HDAC5: variants seen among roughly 807,000 people sequenced by gnomAD.
HDAC5 encodes histone deacetylase 5.
In HDAC5, 25 loss-of-function variants were observed where a neutral mutation model predicts 133.3. The observed-to-expected ratio is 0.19, with a 90% CI of 0.14 to 0.26. The LOEUF (loss-of-function observed/expected upper bound fraction) is 0.26, where lower values mean the gene tolerates loss of function less well. Ranked by LOEUF, HDAC5 falls within the 10% of genes least tolerant of loss-of-function variation. The probability of loss-of-function intolerance (pLI) is 1.00; values close to 1 mark genes in which losing one functional copy is unlikely to be tolerated. For synonymous variants in HDAC5, 589 were observed against 610.8 expected (o/e 0.96, Z 0.53); for missense variants, 1,041 against 1,460.5 (o/e 0.71, Z 4.68).
At chr17:44,109,305 C>A (rs2052188838) in intron 3 of HDAC5, among the ~76,000 whole-genome samples, 1 of 152,180 alleles carries the variant, frequency 6.6e-6, no homozygotes, top group African/African-American at 2.4e-5. Flanking sequence ...TTAGCTGGAC[C>A]TGTGGACTCC....
At chr17:44,103,389 A>G (rs116472842) in intron 3 of HDAC5, among the ~76,000 whole-genome samples, 5 of 152,356 alleles carry the variant, frequency 3.3e-5, no homozygotes, top group African/African-American at 1.2e-4. Context: ...ACAAGTGAAC[A>G]CACATCACGT....
chr17:44,106,593 CTT>C (rs34373757), intron 3 of HDAC5, among the ~76,000 whole-genome samples: 8 of 143,864 alleles, frequency 5.6e-5, no homozygotes, highest in Non-Finnish European at 4.6e-5. Context: ...ACAAAAGAAG[CTT>C]TTTTTTTTTT....
chr17:44,100,850 GTGATCTCGGCTCACTGC>G (rs1357422203), intron 3 of HDAC5, among the ~76,000 whole-genome samples: 1 of 149,184 alleles, frequency 6.7e-6, no homozygotes, highest in East Asian at 2.1e-4. Flanking sequence ...GTGCAGTGGC[GTGATCTCGGCTCACTGC>G]AACCTCCGCC....
At chr17:44,092,844 G>T in intron 6 of HDAC5, 38 bp from the exon 7 acceptor site, 1 of 859,390 alleles carries the variant, frequency 1.2e-6, no homozygotes, top group Non-Finnish European at 1.8e-6. Flanking sequence ...AGCAGATCTA[G>T]GTTATCACCC....
Position 44,091,706 on chromosome 17 carries a change from G to T in HDAC5, c.1158C>A (p.His386Gln). 2 of 1,565,018 alleles carry T rather than the reference G, an allele frequency of 1.3e-6. No homozygotes were observed. The highest frequency in any genetic ancestry group is 1.2e-5 in the South Asian group (1 of 82,844). ...LQATVTVTNS[H>Q]LTASPKLSTQ... ...GTATATGCCCTGTACTTACAGTGAG[G>T]TGTGAGTTGGTGACAGTGACCGTGG... The change falls in exon 10 of 27, where the codon CAC becomes CAA. Residue 386 changes from histidine (H) to glutamine (Q), a missense_variant. Physicochemically the swap from His to Gln is conservative, Grantham distance 24. This residue lies in a region of HDAC5 where 433 missense variants were observed against 531.6 expected (regional missense o/e 0.81). Transcript: ENST00000682912.
rs185005548 is a variant in HDAC5 at position 44,080,561 on chromosome 17, C to T, written c.2728-63G>A. Reference sequence around the variant, plus strand: ...CTGGGAGTCCCAAACATTGCCCCTGCCCTCACCCCTGCCTCCAGATCTCAC... The same window carrying T: ...CTGGGAGTCCCAAACATTGCCCCTGTCCTCACCCCTGCCTCCAGATCTCAC... On this transcript the variant is annotated intron_variant, in intron 21 of 26. Transcript: ENST00000682912. 2.0e-4 allele frequency: 310 copies of T among 1,546,710 alleles called. No individual in the cohort carries two copies. The African/African-American group carries it at 3.5e-3, about 18-fold the overall frequency.
Position 44,083,609 on chromosome 17 carries a change from G to A in HDAC5, c.2399C>T (p.Ala800Val). ...CAGGCAGCCCACTGCCATGCGCACA[G>A]CACTGGAGGAGTGCATCTCATTCCA... ...TVWNEMHSSS[A>V]VRMAVGCLLE... is the part of the protein sequence containing the mutation. Residue 800 changes from alanine (A) to valine (V), a missense_variant, in exon 18 of 27, where the codon GCT becomes GTT. Physicochemically the swap from Ala to Val is moderately conservative, Grantham distance 64 (BLOSUM62 0). Coordinates refer to ENST00000682912, the MANE Select transcript of HDAC5 (RefSeq NM_005474.5). The A allele has an allele frequency of 6.2e-7, 1 of 1,614,170 alleles. No individual in the cohort carries two copies. The highest frequency in any genetic ancestry group is 8.5e-7 in the Non-Finnish European group (1 of 1,180,028).
Position 44,117,004 on chromosome 17 carries a change from C to T in HDAC5, c.22+490G>A, listed in dbSNP as rs754931988. Among the ~76,000 whole-genome samples the T allele has an allele frequency of 3.9e-4, 59 of 152,234 alleles. No individual in the cohort carries two copies. Among genetic ancestry groups the T allele is most frequent in the Non-Finnish European group, 7.1e-4 (48 of 68,040 alleles). On this transcript the variant is annotated intron_variant, in intron 2 of 26. Transcript: ENST00000682912. This position sits in a 1 kb window ranked among gnomAD's most constrained non-coding sequence, Gnocchi z 4.2. ...ACTCCCACCCAATGCCACGCACCTG[C>T]ACACGGAGGTTAAGGCCCAGTGCCC... is the stretch of plus-strand genomic sequence containing the variant.
intron 14 of HDAC5, among the ~76,000 whole-genome samples, chr17:44,085,782 G>A (rs1567987440): frequency 6.6e-6 from 1 of 152,046 alleles, no homozygotes; most frequent in Non-Finnish European, 1.5e-5. Context: ...GATTACAGGC[G>A]TGAGCCACTG....
chr17:44,097,531 T>C (rs1022079652), intron 3 of HDAC5, among the ~76,000 whole-genome samples: 13 of 152,154 alleles, frequency 8.5e-5, no homozygotes, highest in African/African-American at 3.1e-4. Context: ...CAGCCCACGA[T>C]GGTGGCAAGG....
At chr17:44,114,513 C>T (rs1224706355) in intron 2 of HDAC5, among the ~76,000 whole-genome samples, 1 of 152,060 alleles carries the variant, frequency 6.6e-6, no homozygotes. Context: ...AGGCGCTGGG[C>T]AGGCAGGTGT....
Position 44,092,770 on chromosome 17 carries a change from A to T in HDAC5, c.678T>A (p.Pro226=). Residue 226 remains proline (P), a synonymous_variant, in exon 7 of 27, where the codon CCT becomes CCA. Transcript: ENST00000682912. ...GCGTCCCAGGGGGGCCGCTCTGGGG[A>T]GGGGAACTCTGGTCCAAAGAAGCAT... The part of the protein sequence containing the change: ...AHHASLDQSS[P]PQSGPPGTPP... 1.3e-6 allele frequency: 1 copy of T among 795,260 alleles called. No individual in the cohort carries two copies. Among genetic ancestry groups the T allele is most frequent in the South Asian group, 3.0e-5 (1 of 33,012 alleles). 49.3% of individuals were successfully genotyped at this position (795,260 alleles called of 1,614,324 possible).
At chr17:44,115,366 A>T (rs929049699) in intron 2 of HDAC5, among the ~76,000 whole-genome samples, 1 of 152,032 alleles carries the variant, frequency 6.6e-6, no homozygotes, top group African/African-American at 2.4e-5. Context: ...CATGGCCCAT[A>T]CCTTTCCTTC....
Position 44,087,712 on chromosome 17 carries a change from G to C in HDAC5, c.1600-16C>G, listed in dbSNP as rs747527128. The C allele has an allele frequency of 1.3e-6, 2 of 1,557,604 alleles. No individual in the cohort carries two copies. Among genetic ancestry groups the C allele is most frequent in the South Asian group, 2.4e-5 (2 of 82,902 alleles). ...TGGTGAGGATCTGATAACAGAATAT[G>C]GGGGCACATCAGCTGGGAGTTGGGG... On this transcript the variant is annotated splice_polypyrimidine_tract_variant and intron_variant, in intron 12 of 26. Coordinates refer to ENST00000682912, the MANE Select transcript of HDAC5 (RefSeq NM_005474.5).
Position 44,085,148 on chromosome 17 carries a change from G to C in HDAC5, c.2058C>G (p.Val686=), listed in dbSNP as rs373713965. The change falls in exon 15 of 27, where the codon GTC becomes GTG. Residue 686 remains valine, a synonymous_variant. Transcript: ENST00000682912. ...GGTGCTTTAGCATGAACGTGTCGTA[G>C]ACCACACCTGGGCCACAGACCTATG... ...PVKHLFTTGV[V]YDTFMLKHQC... is the part of the protein sequence containing the mutation. 2.5e-6 allele frequency: 4 copies of C among 1,593,470 alleles called. No homozygotes were observed. The highest frequency in any genetic ancestry group is 2.3e-5 in the East Asian group (1 of 44,300).
chr17:44,083,528 C>G lies in HDAC5; in HGVS notation c.2463+17G>C. The G allele has an allele frequency of 1.3e-6, 2 of 1,598,252 alleles. No individual in the cohort carries two copies. Among genetic ancestry groups the G allele is most frequent in the Non-Finnish European group, 1.7e-6 (2 of 1,168,540 alleles). On this transcript the variant is annotated intron_variant, in intron 18 of 26. Transcript: ENST00000682912. ...GGGCCATGCCAAGGGGCACCGAGGT[C>G]ACAAGCACACGCTCACCTTGAGCTC...
intron 3 of HDAC5, among the ~76,000 whole-genome samples, chr17:44,101,980 A>G (rs979866823): frequency 6.6e-6 from 1 of 152,232 alleles, no homozygotes; most frequent in African/African-American, 2.4e-5. Flanking sequence ...TCAGGGAGGA[A>G]GATCACCGAC....
Position 44,086,139 on chromosome 17 carries a change from C to T in HDAC5, c.2050+433G>A, listed in dbSNP as rs1018821337. 2.6e-5 allele frequency among the ~76,000 whole-genome samples: 4 copies of T among 152,218 alleles called. No homozygotes were observed. The East Asian group carries it at 7.7e-4, about 29-fold the overall frequency. On this transcript the variant is annotated intron_variant, in intron 14 of 26. Transcript: ENST00000682912. ...CCTGCTTTCCCCCTCCTGCCAAACC[C>T]GTGTCTTACTCTCCACGGGTGATAC... is the stretch of plus-strand genomic sequence containing the variant.
intron 2 of HDAC5, 58 bp from the exon 3 acceptor site, chr17:44,110,858 G>C (rs780628219): frequency 1.4e-6 from 2 of 1,449,470 alleles, no homozygotes; most frequent in South Asian, 1.2e-5. Context: ...ACGAGCCCCT[G>C]AGCCTTGGGC....
Sources: allele counts gnomAD v4.1 joint callset (sites outside exome capture counted in the v4.1 genomes callset), GRCh38; gene constraint gnomAD v4.1.1; regional missense constraint gnomAD v4.1.1; non-coding constraint Gnocchi (gnomAD v3.1); transcripts MANE v1.5; gene names NCBI Gene and HGNC (gene_info 2026-07-23, HGNC 2026-07-21).